ATP8A1: variants seen among roughly 807,000 people sequenced by gnomAD.
The protein encoded by ATP8A1 is ATPase phospholipid transporting 8A1, also known as phospholipid-transporting ATPase IA.
ATP8A1 carries 90 observed loss-of-function variants against 177.7 expected under a neutral mutation model. The ratio of observed to expected loss-of-function variants is 0.51; its 90% CI spans 0.43 to 0.60. The LOEUF is 0.60. Ranked by LOEUF, ATP8A1 falls within the 20% of genes least tolerant of loss-of-function variation. The pLI is 0.00. For missense variants in ATP8A1, 1,072 were observed against 1,392.8 expected, an observed-to-expected ratio of 0.77 and a Z score of 3.67; for synonymous variants, 493 against 485.9, an observed-to-expected ratio of 1.01 and a Z score of -0.19.
intron 25 of ATP8A1, among the ~76,000 whole-genome samples, chr4:42,474,702 C>G (rs1303829604): frequency 6.6e-6 from 1 of 152,104 alleles, no homozygotes; most frequent in African/African-American, 2.4e-5. Flanking sequence ...GGTAAAGGCA[C>G]TAGGGGAAAA....
At chr4:42,472,428 G>T in intron 25 of ATP8A1, 1 of 326,628 alleles carries the variant, frequency 3.1e-6, no homozygotes, top group Non-Finnish European at 6.0e-6. Flanking sequence ...AAAGGTAGTG[G>T]AACCAAATAA....
At chr4:42,491,693 G>A (rs559099388) in intron 24 of ATP8A1, among the ~76,000 whole-genome samples, 3 of 152,300 alleles carry the variant, frequency 2.0e-5, no homozygotes, top group African/African-American at 4.8e-5. Flanking sequence ...ACAAGCTAAC[G>A]AACCCACAGG....
intron 4 of ATP8A1, among the ~76,000 whole-genome samples, chr4:42,623,866 TTC>T (rs907745802): frequency 1.3e-5 from 2 of 152,074 alleles, no homozygotes; most frequent in Admixed American, 1.3e-4. Flanking sequence ...AAGTCTCTCC[TTC>T]TCTCTCTCTA....
At chr4:42,614,907 C>T (rs1231889444) in intron 5 of ATP8A1, among the ~76,000 whole-genome samples, 2 of 152,166 alleles carry the variant, frequency 1.3e-5, no homozygotes, top group African/African-American at 2.4e-5. Context: ...CAAGGTCTAG[C>T]TCAAGATACA....
chr4:42,425,594 T>C (rs1424211147), intron 33 of ATP8A1, among the ~76,000 whole-genome samples: 1 of 152,060 alleles, frequency 6.6e-6, no homozygotes, highest in Non-Finnish European at 1.5e-5. Context: ...CACAGAGGTA[T>C]TTCCTTCCTT....
chr4:42,468,107 G>C (rs902010787), intron 25 of ATP8A1, among the ~76,000 whole-genome samples: 1 of 152,084 alleles, frequency 6.6e-6, no homozygotes, highest in East Asian at 1.9e-4. Flanking sequence ...GGTGATCAGG[G>C]AACACTTCTA....
At chr4:42,542,675 G>C (rs186260214) in intron 20 of ATP8A1, among the ~76,000 whole-genome samples, 7 of 152,216 alleles carry the variant, frequency 4.6e-5, no homozygotes, top group Non-Finnish European at 7.4e-5. Context: ...TTATGAGTGA[G>C]AACATGCGAT....
intron 33 of ATP8A1, among the ~76,000 whole-genome samples, chr4:42,435,541 G>GC (rs1715889643): frequency 1.3e-5 from 2 of 151,218 alleles, no homozygotes; most frequent in South Asian, 4.2e-4. Context: ...AGTATTTCTG[G>GC]CCTGTCATTC....
intron 34 of ATP8A1, 119 bp from the exon 35 acceptor site, chr4:42,423,018 C>A: frequency 1.7e-6 from 1 of 584,436 alleles, no homozygotes; most frequent in Non-Finnish European, 2.9e-6. Context: ...AGAGTACAAG[C>A]AGTTTTTCAA....
chr4:42,438,046 C>T (rs1183645597), intron 33 of ATP8A1, among the ~76,000 whole-genome samples: 2 of 142,006 alleles, frequency 1.4e-5, no homozygotes, highest in Admixed American at 7.0e-5. Flanking sequence ...ATGGGTGGCA[C>T]TGATGCTAGA....
chr4:42,636,253 T>C (rs554949680), intron 1 of ATP8A1, among the ~76,000 whole-genome samples: 39 of 150,792 alleles, frequency 2.6e-4, no homozygotes, highest in African/African-American at 9.4e-4. Flanking sequence ...AGTGGTATCT[T>C]AGTACAGATA....
At chr4:42,559,311 T>A (rs1330477669) in intron 15 of ATP8A1, among the ~76,000 whole-genome samples, 17 of 152,108 alleles carry the variant, frequency 1.1e-4, no homozygotes. Flanking sequence ...CAGAAATCAA[T>A]TTACAAAAAG....
intron 1 of ATP8A1, among the ~76,000 whole-genome samples, chr4:42,642,033 G>A (rs1441324617): frequency 6.6e-6 from 1 of 151,774 alleles, no homozygotes; most frequent in Non-Finnish European, 1.5e-5. Context: ...AACATCCAGT[G>A]AAGAAACTAA....
intron 18 of ATP8A1, among the ~76,000 whole-genome samples, chr4:42,550,026 C>T (rs574776196): frequency 6.6e-6 from 1 of 152,170 alleles, no homozygotes; most frequent in Non-Finnish European, 1.5e-5. Context: ...GCACCCCAAT[C>T]AAGATATAAA....
intron 22 of ATP8A1, among the ~76,000 whole-genome samples, chr4:42,514,598 C>T (rs937984621): frequency 1.3e-5 from 2 of 152,098 alleles, no homozygotes; most frequent in South Asian, 2.1e-4. Flanking sequence ...CACTTCTCAC[C>T]CTGAGTGATC....
rs751994166 is a variant in ATP8A1, at chr4:42,409,640, C to T, written c.*3276G>A. The T allele has an allele frequency of 6.6e-6, 1 of 152,004 alleles. No individual in the cohort carries two copies. Among genetic ancestry groups the T allele is most frequent in the African/African-American group, 2.4e-5 (1 of 41,394 alleles). The allele number at this position is 152,004 out of a possible 1,614,324, so 9.4% of individuals were successfully genotyped here. A position where few individuals can be genotyped will look rare whatever the true frequency, so the allele number is the denominator to read the frequency against. Reference sequence around the variant, plus strand: ...AAGGGCAACTGCACAAAAATAAACACGATTATTTAGCTTTGTAGTAATTAT... The same window carrying T: ...AAGGGCAACTGCACAAAAATAAACATGATTATTTAGCTTTGTAGTAATTAT... On this transcript the variant is annotated 3_prime_UTR_variant, in exon 37 of 37. Coordinates refer to ENST00000381668, the MANE Select transcript of ATP8A1 (RefSeq NM_006095.2).
chr4:42,540,520 ATTAAC>A (rs1180357509), intron 20 of ATP8A1, among the ~76,000 whole-genome samples: 3 of 151,550 alleles, frequency 2.0e-5, no homozygotes, highest in Non-Finnish European at 2.9e-5. Flanking sequence ...AAGATATGGA[ATTAAC>A]TTAAGTGTCC....
At chr4:42,467,269 G>A (rs1205579741) in intron 25 of ATP8A1, among the ~76,000 whole-genome samples, 1 of 152,166 alleles carries the variant, frequency 6.6e-6, no homozygotes, top group Admixed American at 6.5e-5. Context: ...TAAATGAGGT[G>A]TTAAAGAGTA....
intron 9 of ATP8A1, among the ~76,000 whole-genome samples, chr4:42,584,896 A>G (rs1277018999): frequency 6.6e-6 from 1 of 152,076 alleles, no homozygotes; most frequent in East Asian, 1.9e-4. Context: ...GTGAATTCCC[A>G]TTTCACTCAG....
Sources: gnomAD v4.1 joint callset for allele counts (sites outside exome capture counted in the v4.1 genomes callset) on GRCh38, gnomAD v4.1.1 for gene constraint, MANE v1.5 for transcripts, NCBI Gene and HGNC (gene_info 2026-07-23, HGNC 2026-07-21) for gene names.